Variants in PZP observed in about 807,000 individuals in gnomAD.
The protein encoded by PZP is PZP alpha-2-macroglobulin like.
Under a neutral mutation model 179.8 loss-of-function variants are expected in PZP, and 150 were observed. The ratio of observed to expected loss-of-function variants is 0.83; its 90% CI spans 0.73 to 0.96. The LOEUF is 0.96. PZP is among the 40% of genes least tolerant of loss of function. PZP has a pLI of 0.00. For synonymous variants in PZP, 624 were observed against 652.3 expected (o/e 0.96, Z 0.66); for missense variants, 1,689 against 1,764.0 (o/e 0.96, Z 0.76).
At chr12:9,139,687 T>G in the PZP span, among the ~76,000 whole-genome samples, 1 of 152,198 alleles carries the variant, frequency 6.6e-6, no homozygotes, top group Non-Finnish European at 1.5e-5. Context: ...AAATTTCCCT[T>G]TTGGTCTCTT....
chr12:9,199,067 C>G (rs980208516), intron 7 of PZP, among the ~76,000 whole-genome samples: 2 of 152,176 alleles, frequency 1.3e-5, no homozygotes, highest in African/African-American at 4.8e-5. Flanking sequence ...AGGTAAGGTT[C>G]ATGCCCTCTG....
chr12:9,187,372 A>G (rs1943192721), intron 13 of PZP, among the ~76,000 whole-genome samples: 1 of 152,138 alleles, frequency 6.6e-6, no homozygotes, highest in Non-Finnish European at 1.5e-5. Context: ...CAAAACAACA[A>G]CACATACATT....
In PZP at chr12:9,151,589, T is replaced by G; in HGVS notation, c.4281+15A>C. The G allele has an allele frequency of 1.2e-6, 2 of 1,610,230 alleles. No homozygotes were observed. The highest frequency in any genetic ancestry group is 1.7e-6 in the Non-Finnish European group (2 of 1,176,972). On this transcript the variant is annotated intron_variant, in intron 33 of 35. Coordinates refer to ENST00000261336, the MANE Select transcript of PZP (RefSeq NM_002864.3). ...GACCCATATGTAGTCTCAGCCAGGA[T>G]GTCAGAGCCCTCACCTGTTCCACAT... is the stretch of plus-strand genomic sequence containing the variant.
intron 35 of PZP, 130 bp from the exon 36 acceptor site, chr12:9,149,124 G>A (rs973313448): frequency 5.1e-6 from 4 of 783,262 alleles, no homozygotes; most frequent in Middle Eastern, 2.3e-4. Flanking sequence ...ATTATTTTAG[G>A]TTTATATGCC....
chr12:9,166,949 A>T (rs1941629272), intron 17 of PZP: 1 of 152,226 alleles, frequency 6.6e-6, no homozygotes, highest in Non-Finnish European at 1.5e-5. Flanking sequence ...CCCATCTGAT[A>T]TTTCAGAAAT....
chr12:9,192,026 G>A lies in PZP; in HGVS notation c.1546+167C>T, dbSNP rs529270745. Among the ~76,000 whole-genome samples the A allele has an allele frequency of 5.9e-5, 9 of 152,302 alleles. 1 individual carries two copies. Among genetic ancestry groups the A allele is most frequent in the African/African-American group, 2.2e-4 (9 of 41,566 alleles). On this transcript the variant is annotated intron_variant, in intron 13 of 35. Transcript: ENST00000261336. ...GAGTAGACAATCACATTTATCTGTT[G>A]ACTGTTGAATTTTAAAATGCCAAAG...
chr12:9,159,065 A>G (rs898457793), intron 25 of PZP, among the ~76,000 whole-genome samples: 1 of 152,180 alleles, frequency 6.6e-6, no homozygotes, highest in Non-Finnish European at 1.5e-5. Flanking sequence ...GTAAAACTAC[A>G]AAGAGAGAGA....
rs995957998 is a variant in PZP at position 9,188,642 on chromosome 12, A to G, written c.1546+3551T>C. On this transcript the variant is annotated intron_variant, in intron 13 of 35. Transcript: ENST00000261336. ...GAAAACCCCATAGTGTTGGCCCCAA[A>G]GCTCCTTAAGCTGAAAAATGATGTT... 5.9e-5 allele frequency among the ~76,000 whole-genome samples: 9 copies of G among 152,218 alleles called. No individual in the cohort carries two copies. In the East Asian group the frequency reaches 1.7e-3, roughly 29 times the overall value.
chr12:9,159,968 T>C lies in PZP; in HGVS notation c.3107A>G (p.Glu1036Gly). The change falls in exon 25 of 36, where the codon GAA (glutamate) becomes GGA (glycine). Residue 1036 changes from glutamate (E) to glycine (G), a missense_variant. This residue lies in a region of PZP where 746 missense variants were observed against 749.2 expected (regional missense o/e 1.00). Transcript: ENST00000261336. ...GTTGCCCTGGTTCCTGCCATATCGT[T>C]CCCCAAAGGTGCTGTAGGAGCCATC... ...HQDGSYSTFG[E>G]RYGRNQGNTW... 1 of 1,613,888 alleles carries C rather than the reference T, an allele frequency of 6.2e-7. No homozygotes were observed. The highest frequency in any genetic ancestry group is 8.5e-7 in the Non-Finnish European group (1 of 1,179,832).
intron 1 of PZP, among the ~76,000 whole-genome samples, chr12:9,204,343 GA>G (rs1389298642): frequency 6.6e-6 from 1 of 152,052 alleles, no homozygotes; most frequent in Non-Finnish European, 1.5e-5. Context: ...AATTGGGAGT[GA>G]TTATTCATTG....
In PZP at chr12:9,153,149, A is replaced by G. The variant is rs1940490350; in HGVS notation, c.3969T>C (p.Thr1323=). Residue 1323 remains threonine, a synonymous_variant, in exon 30 of 36, where the codon ACT becomes ACC. Transcript: ENST00000261336. The part of the protein sequence containing the change: ...ELPGEYVITV[T]GERCVYLQTS... ...CCTGAAGATACACACATCTTTCCCC[A>G]GTTACTGTTATGACATATTCTCCAG... The G allele has an allele frequency of 6.2e-7, 1 of 1,614,126 alleles. No homozygotes were observed. The highest frequency in any genetic ancestry group is 8.5e-7 in the Non-Finnish European group (1 of 1,179,986).
At chr12:9,176,030 T>C (rs1414842231) in intron 15 of PZP, among the ~76,000 whole-genome samples, 1 of 152,198 alleles carries the variant, frequency 6.6e-6, no homozygotes, top group Admixed American at 6.5e-5. Context: ...GCAGCACTAT[T>C]CACGATAGCA....
At chr12:9,207,152 G>A (rs1944474974) in intron 1 of PZP, among the ~76,000 whole-genome samples, 1 of 152,200 alleles carries the variant, frequency 6.6e-6, no homozygotes, top group Admixed American at 6.5e-5. Context: ...ATTTGTGTTA[G>A]ATGGATAAGG....
At chr12:9,186,081 C>T (rs1244439161) in intron 13 of PZP, among the ~76,000 whole-genome samples, 2 of 152,000 alleles carry the variant, frequency 1.3e-5, no homozygotes, top group Non-Finnish European at 2.9e-5. Context: ...GCTGGGATTA[C>T]AGGTATGAGC....
chr12:9,182,167 G>A, intron 13 of PZP, 50 bp from the exon 14 acceptor site: 1 of 1,548,038 alleles, frequency 6.5e-7, no homozygotes, highest in East Asian at 2.3e-5. Flanking sequence ...AGACAAAAAG[G>A]TCATAAAAAT....
At chr12:9,174,907 G>C (rs1313696026) in intron 15 of PZP, among the ~76,000 whole-genome samples, 2 of 152,136 alleles carry the variant, frequency 1.3e-5, no homozygotes, top group Non-Finnish European at 2.9e-5. Context: ...TATAGATTCA[G>C]TGCTATTCCC....
rs1168742395 is a variant in PZP at position 9,203,968 on chromosome 12, T to C, written c.84-17A>G. 1 of 1,589,806 alleles carries C rather than the reference T, an allele frequency of 6.3e-7. No homozygotes were observed. Among genetic ancestry groups the C allele is most frequent in the South Asian group, 1.1e-5 (1 of 88,224 alleles). On this transcript the variant is annotated splice_polypyrimidine_tract_variant and intron_variant, in intron 1 of 35. Transcript: ENST00000261336. ...ATATACTGCCTGGGAAAGGAAGAAG[T>C]CTAAATTAGAGAAAAACTGATGATA...
In PZP at chr12:9,192,673, G is replaced by A. The variant is rs899101026; in HGVS notation, c.1321C>T (p.Gln441Ter). Residue 441 changes from glutamine to a stop codon, truncating the protein, a stop_gained, in exon 12 of 36, where the codon CAG becomes TAG. Transcript: ENST00000261336. LOFTEE classifies it high-confidence loss of function. ...SWVAEDHQGA[Q>*]HTANRVFSLS... ...GAGAAAACACGATTTGCAGTGTGCT[G>A]AGCACCCTGGTGGTCTTCTGCTACC... The A allele has an allele frequency of 6.2e-7, 1 of 1,613,916 alleles. No individual in the cohort carries two copies. Among genetic ancestry groups the A allele is most frequent in the Non-Finnish European group, 8.5e-7 (1 of 1,179,894 alleles).
At chr12:9,196,229 A>T in intron 10 of PZP, 101 bp downstream of exon 10, 1 of 718,950 alleles carries the variant, frequency 1.4e-6, no homozygotes, top group Non-Finnish European at 2.3e-6. Context: ...TGGTCATATT[A>T]ATTAACTGAT....
Sources: gnomAD v4.1 joint callset for allele counts (sites outside exome capture counted in the v4.1 genomes callset) on GRCh38, gnomAD v4.1.1 for gene constraint, gnomAD v4.1.1 regional missense constraint, MANE v1.5 for transcripts, NCBI Gene and HGNC (gene_info 2026-07-23, HGNC 2026-07-21) for gene names.